RAB3B: variants seen among roughly 807,000 people sequenced by gnomAD.
RAB3B encodes the protein RAB3B, member RAS oncogene family.
In RAB3B, 11 loss-of-function variants were observed where a neutral mutation model predicts 20.5. That is an observed-to-expected ratio of 0.54 (90% CI 0.34 to 0.89). The LOEUF (loss-of-function observed/expected upper bound fraction) is 0.89. Ranked by LOEUF, RAB3B falls within the 40% of genes least tolerant of loss-of-function variation. The pLI is 0.02. For synonymous variants in RAB3B, 99 were observed against 106.3 expected (o/e 0.93, Z 0.42); for missense variants, 225 against 280.9 (o/e 0.80, Z 1.42).
At chr1:51,970,735 G>A (rs1049458267) in intron 2 of RAB3B, among the ~76,000 whole-genome samples, 2 of 151,890 alleles carry the variant, frequency 1.3e-5, no homozygotes, top group Non-Finnish European at 2.9e-5. Context: ...GCTGGGCACG[G>A]TGGCTCACAC....
Position 51,920,135 on chromosome 1 carries a change from G to A in RAB3B, c.473-21C>T, listed in dbSNP as rs1292384095. ...AAACCCTGGAAAGAGGAGAGATACA[G>A]ATAAGGACTTTTCCCATCCCTTCTG... is the stretch of plus-strand genomic sequence containing the variant. On this transcript the variant is annotated intron_variant, in intron 4 of 4. Transcript: ENST00000371655. 6 of 1,588,072 alleles carry A rather than the reference G, an allele frequency of 3.8e-6. No individual in the cohort carries two copies. In the South Asian group the frequency reaches 6.8e-5, roughly 18 times the overall value.
At chr1:51,988,640 A>T (rs1325503479) in intron 1 of RAB3B, among the ~76,000 whole-genome samples, 1 of 152,200 alleles carries the variant, frequency 6.6e-6, no homozygotes, top group Admixed American at 6.5e-5. Context: ...GAATGGATGA[A>T]GAAATTGAGG....
At chr1:51,944,820 T>C (rs1684543250) in intron 2 of RAB3B, among the ~76,000 whole-genome samples, 1 of 152,192 alleles carries the variant, frequency 6.6e-6, no homozygotes, top group Admixed American at 6.5e-5. Context: ...GCTGTGAACA[T>C]CCTTGAAATG....
rs1684021465 is a variant in RAB3B at position 51,912,597 on chromosome 1, A to ATATG, written c.*7329_*7330insCATA. The ATATG allele has an allele frequency of 2.6e-5, 1 of 38,052 alleles. No homozygotes were observed. Among genetic ancestry groups the ATATG allele is most frequent in the Non-Finnish European group, 5.1e-5 (1 of 19,566 alleles). 2.4% of individuals were successfully genotyped at this position (38,052 alleles called of 1,614,324 possible). A position where few individuals can be genotyped will look rare whatever the true frequency, so the allele number is the denominator to read the frequency against. Reference sequence around the variant, plus strand: ...TATATATATATATATATATATATATATATAAAAAATGTTACTCCTGTGAGA... The same window carrying ATATG: ...TATATATATATATATATATATATATATATGTATAAAAAATGTTACTCCTGTGAGA... On this transcript the variant is annotated 3_prime_UTR_variant, in exon 5 of 5. Coordinates refer to ENST00000371655, the MANE Select transcript of RAB3B (RefSeq NM_002867.4).
At chr1:51,965,105 G>A (rs1271550611) in intron 2 of RAB3B, among the ~76,000 whole-genome samples, 1 of 151,942 alleles carries the variant, frequency 6.6e-6, no homozygotes, top group Admixed American at 6.6e-5. Flanking sequence ...TGTAATCCCA[G>A]CCACTCAGGT....
rs537716731 is a variant in RAB3B at position 51,910,167 on chromosome 1, T to C, written c.*9760A>G. The C allele has an allele frequency of 3.3e-5, 5 of 152,306 alleles. No homozygotes were observed. The highest frequency in any genetic ancestry group is 9.6e-5 in the African/African-American group (4 of 41,584). The allele number at this position is 152,306 out of a possible 1,614,324, so 9.4% of individuals were successfully genotyped here. On this transcript the variant is annotated 3_prime_UTR_variant, in exon 5 of 5. Transcript: ENST00000371655. ...CTGTAGGCTTAACTATTCTGCCTTA[T>C]GACCTTCTGAAACCTCATCCTGTGG...
At chr1:51,986,692 T>C (rs189899769) in intron 1 of RAB3B, among the ~76,000 whole-genome samples, 158 of 152,320 alleles carry the variant, frequency 1.0e-3, no homozygotes, top group African/African-American at 3.6e-3. Flanking sequence ...CATACCACAC[T>C]GTTAACATCT....
At chr1:51,961,725 G>A (rs960510641) in intron 2 of RAB3B, among the ~76,000 whole-genome samples, 8 of 151,996 alleles carry the variant, frequency 5.3e-5, no homozygotes, top group African/African-American at 1.9e-4. Context: ...ATATAACAAG[G>A]GGTTCAAAAC....
At chr1:51,925,175 T>C (rs1331160406) in intron 4 of RAB3B, among the ~76,000 whole-genome samples, 2 of 152,106 alleles carry the variant, frequency 1.3e-5, no homozygotes, top group African/African-American at 2.4e-5. Flanking sequence ...AGAACATGTC[T>C]CCTCCACGGT....
chr1:51,920,061 A>C lies in RAB3B; in HGVS notation c.526T>G (p.Phe176Val), dbSNP rs765613221. ...CAAATGGCATCCACCAGGCGCTCAA[A>C]GGCCTGCCTTACACTGATGTTCTCC... ...AKENISVRQA[F>V]ERLVDAICDK... Residue 176 changes from phenylalanine (F) to valine (V), a missense_variant, in exon 5 of 5, where the codon TTT becomes GTT. By Grantham distance (50) the Phe-to-Val change is conservative. Transcript: ENST00000371655. 1 of 1,614,186 alleles carries C rather than the reference A, an allele frequency of 6.2e-7. No individual in the cohort carries two copies. Among genetic ancestry groups the C allele is most frequent in the Non-Finnish European group, 8.5e-7 (1 of 1,180,014 alleles).
At chr1:51,980,763 C>T in intron 1 of RAB3B, 2 of 754,576 alleles carry the variant, frequency 2.7e-6, no homozygotes, top group Non-Finnish European at 4.9e-6. Context: ...ACCAAACACC[C>T]CCACCCTGAT....
chr1:51,931,822 G>T (rs1684330892), intron 4 of RAB3B, among the ~76,000 whole-genome samples: 1 of 152,154 alleles, frequency 6.6e-6, no homozygotes, highest in African/African-American at 2.4e-5. Flanking sequence ...CCAGCTGGAT[G>T]AGGGTAGAAG....
chr1:51,927,939 CT>C (rs1684266781), intron 4 of RAB3B, among the ~76,000 whole-genome samples: 1 of 152,154 alleles, frequency 6.6e-6, no homozygotes, highest in African/African-American at 2.4e-5. Flanking sequence ...CAAGAAGCCC[CT>C]TTCCGAGGAG....
At chr1:51,926,729 A>G (rs1684248843) in intron 4 of RAB3B, among the ~76,000 whole-genome samples, 2 of 152,166 alleles carry the variant, frequency 1.3e-5, no homozygotes, top group African/African-American at 4.8e-5. Context: ...ATGATATGAG[A>G]ACATTAGGAT....
At chr1:51,971,010 CAAAAAAAAA>C (rs3074914) in intron 2 of RAB3B, among the ~76,000 whole-genome samples, 4 of 55,726 alleles carry the variant, frequency 7.2e-5, no homozygotes, top group South Asian at 7.0e-4. Flanking sequence ...GACTCCGTCT[CAAAAAAAAA>C]AAAAAAAAAA....
chr1:51,983,010 C>T (rs533128864), intron 1 of RAB3B, among the ~76,000 whole-genome samples: 8 of 152,234 alleles, frequency 5.3e-5, no homozygotes, highest in Admixed American at 1.3e-4. Flanking sequence ...GCCCTGCAAG[C>T]TCCATTCATG....
rs1684100414 is a variant in RAB3B, at chr1:51,917,342, C to T, written c.*2585G>A. On this transcript the variant is annotated 3_prime_UTR_variant, in exon 5 of 5. Coordinates refer to ENST00000371655, the MANE Select transcript of RAB3B (RefSeq NM_002867.4). Reference sequence around the variant, plus strand: ...AAAAAGAGACACCGAGTTATTAGTGCCAAAAGAGACCTTAAAGATCATCCA... The same window carrying T: ...AAAAAGAGACACCGAGTTATTAGTGTCAAAAGAGACCTTAAAGATCATCCA... The T allele has an allele frequency of 6.6e-6, 1 of 152,004 alleles. No homozygotes were observed. Among genetic ancestry groups the T allele is most frequent in the Non-Finnish European group, 1.5e-5 (1 of 68,024 alleles). The allele number at this position is 152,004 out of a possible 1,614,324, so 9.4% of individuals were successfully genotyped here. A position where few individuals can be genotyped will look rare whatever the true frequency, so the allele number is the denominator to read the frequency against.
At chr1:51,935,442 A>G (rs554591099) in intron 3 of RAB3B, among the ~76,000 whole-genome samples, 1 of 152,154 alleles carries the variant, frequency 6.6e-6, no homozygotes, top group Admixed American at 6.5e-5. Context: ...AGGGCTTGGG[A>G]GAGATAGACC....
intron 1 of RAB3B, among the ~76,000 whole-genome samples, chr1:51,983,526 T>C (rs1557979090): frequency 2.0e-5 from 3 of 152,214 alleles, no homozygotes; most frequent in East Asian, 1.9e-4. Context: ...TATAGGTTTG[T>C]GTAAGTATAC....
Sources: gnomAD v4.1 joint callset for allele counts (sites outside exome capture counted in the v4.1 genomes callset) on GRCh38, gnomAD v4.1.1 for gene constraint, MANE v1.5 for transcripts, NCBI Gene and HGNC (gene_info 2026-07-23, HGNC 2026-07-21) for gene names.